GOLGA4: variants seen among roughly 807,000 people sequenced by gnomAD.
GOLGA4 encodes the protein golgin subfamily A member 4.
In GOLGA4, 169 loss-of-function variants were observed where a neutral mutation model predicts 265.9. The ratio of observed to expected loss-of-function variants is 0.64; its 90% CI spans 0.56 to 0.72. GOLGA4 has a LOEUF of 0.72. Ranked by LOEUF, GOLGA4 falls within the 30% of genes least tolerant of loss-of-function variation. The pLI is 0.00. For missense variants in GOLGA4, 2,482 were observed against 2,483.4 expected (o/e 1.00, Z 0.01); for synonymous variants, 923 against 855.8 (o/e 1.08, Z -1.37).
In GOLGA4 at chr3:37,326,367, G is replaced by T. The variant is rs201034947; in HGVS notation, c.4481G>T (p.Arg1494Ile). The T allele has an allele frequency of 5.6e-6, 9 of 1,612,854 alleles. No individual in the cohort carries two copies. The highest frequency in any genetic ancestry group is 1.7e-4 in the Middle Eastern group (1 of 6,052). Reference protein sequence around the residue: ...LKEELDQQNKRFDCLKGEMED... With the variant: ...LKEELDQQNKIFDCLKGEMED... ...GAAGAGCTTGATCAGCAAAATAAAA[G>T]ATTTGATTGTTTAAAGGGTGAAATG... The change falls in exon 14 of 24, where the codon AGA becomes ATA. Residue 1494 changes from arginine to isoleucine, a missense_variant. Physicochemically the swap from Arg to Ile is moderately conservative, Grantham distance 97. Coordinates refer to ENST00000361924, the MANE Select transcript of GOLGA4 (RefSeq NM_002078.5).
intron 20 of GOLGA4, among the ~76,000 whole-genome samples, chr3:37,345,687 A>G (rs1400925535): frequency 2.0e-5 from 3 of 152,110 alleles, no homozygotes; most frequent in Non-Finnish European, 4.4e-5. Context: ...TCTCCTGGAA[A>G]ATAGCTATCC....
At chr3:37,347,508 A>G (rs1384687892) in intron 21 of GOLGA4, among the ~76,000 whole-genome samples, 2 of 152,178 alleles carry the variant, frequency 1.3e-5, no homozygotes, top group Admixed American at 1.3e-4. Flanking sequence ...TTAATTTTGA[A>G]AATACTATTG....
chr3:37,276,476 A>T, intron 2 of GOLGA4: 6 of 1,610,606 alleles, frequency 3.7e-6, no homozygotes, highest in Admixed American at 1.7e-5. Context: ...TGACTTGTTC[A>T]CATGTGGCAA....
In GOLGA4 at chr3:37,282,021, T is replaced by C; in HGVS notation, c.226T>C (p.Phe76Leu). The C allele has an allele frequency of 6.2e-7, 1 of 1,614,150 alleles. No individual in the cohort carries two copies. The highest frequency in any genetic ancestry group is 2.2e-5 in the East Asian group (1 of 44,884). Residue 76 changes from phenylalanine to leucine, a missense_variant, in exon 3 of 24, where the codon TTT becomes CTT. Around this residue, in one of 3 missense-constraint regions of GOLGA4, gnomAD observed 1,536 missense variants for 1,483.7 expected, o/e 1.04. Transcript: ENST00000361924. Reference protein sequence around the residue: ...QLRVPSVESLFRSPIKESLFR... With the variant: ...QLRVPSVESLLRSPIKESLFR... ...CCGGGTGCCCTCCGTGGAGTCTTTGTTTCGAAGTCCGATAAAGGAATCTCT... is the reference window on the plus strand; with the variant it reads ...CCGGGTGCCCTCCGTGGAGTCTTTGCTTCGAAGTCCGATAAAGGAATCTCT...
chr3:37,294,047 A>T (rs574796958), intron 5 of GOLGA4, among the ~76,000 whole-genome samples: 23 of 152,352 alleles, frequency 1.5e-4, no homozygotes, highest in African/African-American at 5.5e-4. Flanking sequence ...GTGGTCCGTC[A>T]TCTTCCAGAA....
chr3:37,295,210 A>T, intron 6 of GOLGA4, 133 bp downstream of exon 6: 1 of 520,944 alleles, frequency 1.9e-6, no homozygotes, highest in Admixed American at 3.9e-5. Flanking sequence ...TGCTTTCCTC[A>T]ATTTTTTTTA....
At chr3:37,334,429 G>A (rs1578758149) in intron 16 of GOLGA4, among the ~76,000 whole-genome samples, 1 of 152,010 alleles carries the variant, frequency 6.6e-6, no homozygotes, top group South Asian at 2.1e-4. Flanking sequence ...AACTGGTGGG[G>A]GTAAATACAT....
At chr3:37,296,057 C>G in intron 6 of GOLGA4, 30 bp from the exon 7 acceptor site, 8 of 1,603,904 alleles carry the variant, frequency 5.0e-6, no homozygotes, top group Non-Finnish European at 6.8e-6. Context: ...TTTTTTTTGA[C>G]TTTTTTCTAA....
chr3:37,316,695 T>G lies in GOLGA4; in HGVS notation c.1413+1097T>G, dbSNP rs184765590. Among the ~76,000 whole-genome samples the G allele has an allele frequency of 1.5e-4, 23 of 152,302 alleles. No homozygotes were observed. In the East Asian group the frequency reaches 4.0e-3, roughly 27 times the overall value. On this transcript the variant is annotated intron_variant, in intron 11 of 23. Transcript: ENST00000361924. ...CATATGGTATAAAAATCAGAAGATA[T>G]GAAGTATGTAGTGAAAAGATTCCCA...
intron 2 of GOLGA4, among the ~76,000 whole-genome samples, chr3:37,258,813 A>G (rs1243683405): frequency 1.3e-5 from 2 of 152,104 alleles, no homozygotes; most frequent in Non-Finnish European, 1.5e-5. Context: ...GGTTAAATTA[A>G]CCATGTATTC....
chr3:37,281,772 C>G (rs1238018673), intron 2 of GOLGA4, among the ~76,000 whole-genome samples, 186 bp from the exon 3 acceptor site: 2 of 152,174 alleles, frequency 1.3e-5, no homozygotes, highest in African/African-American at 4.8e-5. Flanking sequence ...TCCTCTGACT[C>G]CAGGTCCAAC....
chr3:37,334,131 G>T (rs2097001178), intron 16 of GOLGA4, among the ~76,000 whole-genome samples: 1 of 152,174 alleles, frequency 6.6e-6, no homozygotes, highest in South Asian at 2.1e-4. Context: ...AGTCTGGGTT[G>T]CCCTGTACAA....
intron 4 of GOLGA4, among the ~76,000 whole-genome samples, chr3:37,288,347 G>A (rs960369499): frequency 6.6e-6 from 1 of 151,708 alleles, no homozygotes; most frequent in Non-Finnish European, 1.5e-5. Flanking sequence ...CTGACCTGGT[G>A]ATCCGCCTGC....
intron 21 of GOLGA4, among the ~76,000 whole-genome samples, chr3:37,351,365 G>A (rs1017109384): frequency 6.6e-6 from 1 of 152,070 alleles, no homozygotes; most frequent in Admixed American, 6.6e-5. Context: ...TTCCTCCACT[G>A]AGGTCTTGAA....
chr3:37,316,392 A>G (rs538062908), intron 11 of GOLGA4, among the ~76,000 whole-genome samples: 2 of 152,280 alleles, frequency 1.3e-5, no homozygotes, highest in East Asian at 3.9e-4. Flanking sequence ...ATGCATTTCT[A>G]TAACTCATGG....
chr3:37,306,523 G>C (rs954215682), intron 10 of GOLGA4, among the ~76,000 whole-genome samples: 1 of 151,662 alleles, frequency 6.6e-6, no homozygotes, highest in African/African-American at 2.4e-5. Context: ...GTGTGTGTGT[G>C]TGTGTGTGTG....
intron 14 of GOLGA4, among the ~76,000 whole-genome samples, chr3:37,328,202 C>A (rs1387845949): frequency 6.6e-6 from 1 of 150,954 alleles, no homozygotes; most frequent in Non-Finnish European, 1.5e-5. Context: ...AGGACCACTA[C>A]TTAGAGGTAA....
At position 37,347,406 on chromosome 3, in the gene GOLGA4, G is replaced by A. The variant is rs947458176; in HGVS notation, c.6576+110G>A. 8 of 600,136 alleles carry A rather than the reference G, an allele frequency of 1.3e-5. No individual in the cohort carries two copies. The Admixed American group carries it at 1.7e-4, about 13-fold the overall frequency. The allele number at this position is 600,136 out of a possible 1,614,324, so 37.2% of individuals were successfully genotyped here. On this transcript the variant is annotated intron_variant, in intron 21 of 23. Coordinates refer to ENST00000361924, the MANE Select transcript of GOLGA4 (RefSeq NM_002078.5). ...TGTTTACTATTAGCAAATCAGACAT[G>A]CTAATAGTAGGTAATAGATAATTAT...
At chr3:37,345,932 G>A (rs981698234) in intron 20 of GOLGA4, among the ~76,000 whole-genome samples, 2 of 150,638 alleles carry the variant, frequency 1.3e-5, no homozygotes, top group African/African-American at 4.9e-5. Flanking sequence ...GGGCGACAGA[G>A]CGAGACTCCA....
Sources: gnomAD v4.1 joint callset for allele counts (sites outside exome capture counted in the v4.1 genomes callset) on GRCh38, gnomAD v4.1.1 for gene constraint, gnomAD v4.1.1 regional missense constraint, MANE v1.5 for transcripts, NCBI Gene and HGNC (gene_info 2026-07-23, HGNC 2026-07-21) for gene names.